Variants in LOC400499 observed in about 807,000 individuals in gnomAD.
At chr16:11,422,845 C>T in the LOC400499 span, among the ~76,000 whole-genome samples, 1 of 152,244 alleles carries the variant, frequency 6.6e-6, no homozygotes, top group Non-Finnish European at 1.5e-5. Context: ...CCGCTTGTCT[C>T]ACGATGCCAG....
the LOC400499 span, chr16:11,449,188 G>T: frequency 8.1e-7 from 1 of 1,235,552 alleles, no homozygotes; most frequent in Non-Finnish European, 1.1e-6. Context: ...TCTCTTTCCT[G>T]CTTGGTGAAC....
chr16:11,481,968 T>C, the LOC400499 span, among the ~76,000 whole-genome samples: 6,801 of 152,234 alleles, frequency 0.045, 294 homozygotes, highest in East Asian at 0.16. Flanking sequence ...TTTTTACATA[T>C]GAGAATTTCA....
At chr16:11,458,048 C>CA in the LOC400499 span, among the ~76,000 whole-genome samples, 1 of 151,934 alleles carries the variant, frequency 6.6e-6, no homozygotes, top group South Asian at 2.1e-4. Context: ...ACGAAAAATA[C>CA]AAAAAATTAG....
the LOC400499 span, among the ~76,000 whole-genome samples, chr16:11,502,942 G>C: frequency 4.3e-5 from 1 of 23,030 alleles, no homozygotes; most frequent in Non-Finnish European, 1.1e-4. Context: ...TTTTTTAAGA[G>C]ACAGGATCTC....
the LOC400499 span, among the ~76,000 whole-genome samples, chr16:11,418,246 G>A: frequency 3.9e-5 from 6 of 152,182 alleles, no homozygotes; most frequent in Non-Finnish European, 8.8e-5. Flanking sequence ...TTGAACCAGA[G>A]CAACTCCATC....
chr16:11,504,555 C>CA, the LOC400499 span, among the ~76,000 whole-genome samples: 1 of 140,602 alleles, frequency 7.1e-6, no homozygotes, highest in African/African-American at 2.5e-5. Flanking sequence ...GACTCCGTCC[C>CA]CCCCCCCAAA....
At chr16:11,417,809 C>T in the LOC400499 span, 24 of 398,898 alleles carry the variant, frequency 6.0e-5, no homozygotes, top group Admixed American at 2.2e-4. Flanking sequence ...TGCTCGAAGC[C>T]GGAGCTGCCA....
chr16:11,522,429 C>A, the LOC400499 span, among the ~76,000 whole-genome samples: 3 of 152,132 alleles, frequency 2.0e-5, no homozygotes, highest in African/African-American at 7.2e-5. Context: ...GAGGGCTGTC[C>A]TCTGTGTTGT....
chr16:11,430,697 T>C, the LOC400499 span, among the ~76,000 whole-genome samples: 1 of 152,174 alleles, frequency 6.6e-6, no homozygotes. Context: ...AAGTCTAGTG[T>C]TACGTCAAAA....
chr16:11,486,431 GATGGATGGATGGATGA>G, the LOC400499 span, among the ~76,000 whole-genome samples: 1 of 141,382 alleles, frequency 7.1e-6, no homozygotes, highest in Non-Finnish European at 1.5e-5. Flanking sequence ...TGGATGGATG[GATGGATGGATGGATGA>G]ATGGTACATG....
chr16:11,392,930 T>C, the LOC400499 span: 1 of 415,892 alleles, frequency 2.4e-6, no homozygotes. Flanking sequence ...CTCGGCTCAC[T>C]GCAAGCTCCG....
the LOC400499 span, among the ~76,000 whole-genome samples, chr16:11,431,994 TG>T: frequency 2.6e-5 from 4 of 152,194 alleles, no homozygotes; most frequent in Non-Finnish European, 4.4e-5. Context: ...CCCAGCCACC[TG>T]GTAAGAAGTC....
chr16:11,379,627 C>G, the LOC400499 span, among the ~76,000 whole-genome samples: 1 of 152,248 alleles, frequency 6.6e-6, no homozygotes, highest in East Asian at 1.9e-4. Context: ...CTGCGGTGAC[C>G]AGTTGCTGTG....
the LOC400499 span, among the ~76,000 whole-genome samples, chr16:11,505,057 G>A: frequency 3.9e-5 from 6 of 151,962 alleles, no homozygotes; most frequent in East Asian, 9.7e-4. Flanking sequence ...GCCGGTGGCC[G>A]CATGCTACTC....
At chr16:11,391,527 G>A in the LOC400499 span, 3 of 652,384 alleles carry the variant, frequency 4.6e-6, no homozygotes, top group Non-Finnish European at 2.2e-6. Flanking sequence ...AAACACAGCT[G>A]GGCTACAGGC....
the LOC400499 span, chr16:11,443,376 G>T: frequency 4.8e-6 from 2 of 412,430 alleles, no homozygotes; most frequent in South Asian, 3.4e-5. Flanking sequence ...AGGGGTCTGT[G>T]CATGAACCTG....
At chr16:11,393,630 C>G in the LOC400499 span, 1 of 1,202,160 alleles carries the variant, frequency 8.3e-7, no homozygotes. Context: ...CTGCCCGCCC[C>G]AGGCTCAGGA....
the LOC400499 span, among the ~76,000 whole-genome samples, chr16:11,517,576 G>A: frequency 6.6e-6 from 1 of 152,208 alleles, no homozygotes; most frequent in Non-Finnish European, 1.5e-5. Flanking sequence ...GGAGTCACAG[G>A]CTGCAGAAAC....
chr16:11,400,966 A>G, the LOC400499 span, among the ~76,000 whole-genome samples: 1 of 152,186 alleles, frequency 6.6e-6, no homozygotes, highest in African/African-American at 2.4e-5. Context: ...AGCTACCACT[A>G]AACAAGCAAC....
Sources: gnomAD v4.1 joint callset for allele counts (sites outside exome capture counted in the v4.1 genomes callset) on GRCh38, gnomAD v4.1.1 for gene constraint, MANE v1.5 for transcripts.